CEMIP: variants seen among roughly 807,000 people sequenced by gnomAD.
CEMIP encodes cell migration inducing hyaluronidase 1.
Under a neutral mutation model 156.9 loss-of-function variants are expected in CEMIP, and 105 were observed. The ratio of observed to expected loss-of-function variants is 0.67; its 90% confidence interval spans 0.57 to 0.79. The LOEUF (loss-of-function observed/expected upper bound fraction) is 0.79. Ranked by LOEUF, CEMIP falls within the 30% of genes least tolerant of loss-of-function variation. The pLI, the probability that CEMIP is intolerant of heterozygous loss-of-function variation, is 0.00. For missense variants in CEMIP, 1,457 were observed against 1,769.4 expected (o/e 0.82, Z 3.17); for synonymous variants, 676 against 668.4 (o/e 1.01, Z -0.17).
At chr15:80,862,575 G>A (rs1409558286) in intron 1 of CEMIP, among the ~76,000 whole-genome samples, 4 of 152,190 alleles carry the variant, frequency 2.6e-5, no homozygotes, top group African/African-American at 9.7e-5. Flanking sequence ...AACTGAGCAT[G>A]GACTCTCCCT....
chr15:80,837,498 G>T (rs1168883888), intron 1 of CEMIP, among the ~76,000 whole-genome samples: 2 of 152,158 alleles, frequency 1.3e-5, no homozygotes, highest in African/African-American at 4.8e-5. Flanking sequence ...GAGGTCACTG[G>T]AGCTTAGGAA....
chr15:80,906,761 A>T lies in CEMIP; in HGVS notation c.1510A>T (p.Met504Leu). The T allele has an allele frequency of 6.2e-7, 1 of 1,614,078 alleles. No individual in the cohort carries two copies. Among genetic ancestry groups the T allele is most frequent in the Non-Finnish European group, 8.5e-7 (1 of 1,180,008 alleles). Residue 504 changes from methionine (M) to leucine (L), a missense_variant, in exon 13 of 30, where the codon ATG becomes TTG. Around this residue, in one of 5 missense-constraint regions of CEMIP, gnomAD observed 280 missense variants for 300.3 expected, o/e 0.93. Coordinates refer to ENST00000394685, the MANE Select transcript of CEMIP (RefSeq NM_001293298.2). The surrounding 1 kb of genome is among the most constrained non-coding windows in gnomAD (Gnocchi z 4.3). ...CCGGAACATCATAGTGATGGGGGAGATGGAGGACAAATGCTACCCCTACAG... is the reference window on the plus strand; with the variant it reads ...CCGGAACATCATAGTGATGGGGGAGTTGGAGGACAAATGCTACCCCTACAG... Reference protein sequence around the residue: ...LSRNIIVMGEMEDKCYPYRNH... With the variant: ...LSRNIIVMGELEDKCYPYRNH...
chr15:80,786,315 C>G (rs1472864866), intron 1 of CEMIP, among the ~76,000 whole-genome samples: 1 of 152,172 alleles, frequency 6.6e-6, no homozygotes, highest in Admixed American at 6.5e-5. Context: ...CAGTTCCCTG[C>G]AGCCCCAACC....
chr15:80,782,102 C>CA (rs1277627571), intron 1 of CEMIP, among the ~76,000 whole-genome samples: 1 of 152,224 alleles, frequency 6.6e-6, no homozygotes, highest in East Asian at 1.9e-4. Flanking sequence ...CCCCTACCTA[C>CA]ACTACTTGGA....
intron 28 of CEMIP, among the ~76,000 whole-genome samples, chr15:80,944,297 A>T (rs1901455887): frequency 6.6e-6 from 1 of 152,116 alleles, no homozygotes; most frequent in Non-Finnish European, 1.5e-5. Flanking sequence ...TAAAAAATAA[A>T]AGTTCTACCT....
chr15:80,793,386 T>C lies in CEMIP; in HGVS notation c.-176+13772T>C, dbSNP rs147213613. Among the ~76,000 whole-genome samples, 10 of 152,348 alleles carry C rather than the reference T, an allele frequency of 6.6e-5. No individual in the cohort carries two copies. The East Asian group carries it at 1.3e-3, about 21-fold the overall frequency. The stretch of plus-strand genomic sequence containing the variant: ...ACTACACACATTATCAACACGAGGT[T>C]AAGTCTTCTGTGGTGGGTGTTTTTC... On this transcript the variant is annotated intron_variant, in intron 1 of 29. Coordinates refer to ENST00000394685, the MANE Select transcript of CEMIP (RefSeq NM_001293298.2).
intron 1 of CEMIP, among the ~76,000 whole-genome samples, chr15:80,837,439 G>A (rs78011074): frequency 2.4e-4 from 36 of 152,264 alleles, no homozygotes; most frequent in African/African-American, 8.7e-4. Context: ...ATGGCAACCT[G>A]GTACAGAACA....
At chr15:80,792,855 C>A (rs890134356) in intron 1 of CEMIP, among the ~76,000 whole-genome samples, 1 of 152,260 alleles carries the variant, frequency 6.6e-6, no homozygotes, top group South Asian at 2.1e-4. Flanking sequence ...AGGAACTAGT[C>A]CATCTCAGTC....
At chr15:80,948,344 AG>A (rs1256164917) in intron 29 of CEMIP, 1 of 278,898 alleles carries the variant, frequency 3.6e-6, no homozygotes, top group African/African-American at 2.2e-5. Context: ...TTCACCTCTC[AG>A]AACTCTTTCT....
intron 7 of CEMIP, among the ~76,000 whole-genome samples, chr15:80,886,220 G>A (rs1898832015): frequency 6.6e-6 from 1 of 151,850 alleles, no homozygotes; most frequent in South Asian, 2.1e-4. Context: ...CAGCTTCGGA[G>A]GCCCAGGGGC....
intron 1 of CEMIP, among the ~76,000 whole-genome samples, chr15:80,862,343 G>A (rs1211040885): frequency 6.6e-6 from 1 of 152,206 alleles, no homozygotes; most frequent in Non-Finnish European, 1.5e-5. Flanking sequence ...TTCAGGAAAG[G>A]ACAATGAGGC....
At chr15:80,907,668 T>C (rs1317915989) in intron 13 of CEMIP, among the ~76,000 whole-genome samples, 1 of 152,248 alleles carries the variant, frequency 6.6e-6, no homozygotes, top group Non-Finnish European at 1.5e-5. Context: ...TGCAGGGTTC[T>C]TACCGCACAA....
chr15:80,839,308 G>GTA (rs1897336382), intron 1 of CEMIP, among the ~76,000 whole-genome samples: 1 of 151,362 alleles, frequency 6.6e-6, no homozygotes, highest in Non-Finnish European at 1.5e-5. Context: ...GTGTGTGTGT[G>GTA]TGTGTGTGTG....
In CEMIP at chr15:80,937,927, G is replaced by A. The variant is rs1368956237; in HGVS notation, c.3355G>A (p.Val1119Met). The A allele has an allele frequency of 1.2e-6, 2 of 1,614,230 alleles. No individual in the cohort carries two copies. Among genetic ancestry groups the A allele is most frequent in the East Asian group, 2.2e-5 (1 of 44,888 alleles). ...VFVRTLQMDK[V>M]EQSYPGRSHY... is the part of the protein sequence containing the mutation. ...CGTGAGGACCTTGCAGATGGACAAA[G>A]TGGAGCAGAGCTACCCTGGCAGGAG... Residue 1119 changes from valine (V) to methionine (M), a missense_variant, in exon 25 of 30, where the codon GTG (valine) becomes ATG (methionine). Transcript: ENST00000394685.
rs1897314933 is a variant in CEMIP, at chr15:80,838,480, C to T, written c.-175-35058C>T. ...CAGCAGGCCTGGGTCCTGCATCATTCCCTTGGTTCAAGGCTGAGTGCAATG... is the reference window on the plus strand; with the variant it reads ...CAGCAGGCCTGGGTCCTGCATCATTTCCTTGGTTCAAGGCTGAGTGCAATG... On this transcript the variant is annotated intron_variant, in intron 1 of 29. Transcript: ENST00000394685. 2.0e-5 allele frequency among the ~76,000 whole-genome samples: 3 copies of T among 152,102 alleles called. No individual in the cohort carries two copies. The South Asian group carries it at 6.2e-4, about 32-fold the overall frequency.
In CEMIP at chr15:80,929,191, GT is replaced by G; in HGVS notation, c.2612+18del. 1 of 1,614,218 alleles carries G rather than the reference GT, an allele frequency of 6.2e-7. No individual in the cohort carries two copies. Among genetic ancestry groups the G allele is most frequent in the Non-Finnish European group, 8.5e-7 (1 of 1,180,026 alleles). On this transcript the variant is annotated intron_variant, in intron 21 of 29. Transcript: ENST00000394685. ...TATAGGCCAGTAGGTTTGCAACCAT[GT>G]AGCTCCTTATTCTGAGTGGCTTAAC...
chr15:80,794,225 A>G (rs1896157632), intron 1 of CEMIP, among the ~76,000 whole-genome samples: 1 of 152,244 alleles, frequency 6.6e-6, no homozygotes, highest in Non-Finnish European at 1.5e-5. Flanking sequence ...TCTCCCTCAC[A>G]CAAAATAACA....
At chr15:80,923,887 G>C (rs564300490) in intron 17 of CEMIP, among the ~76,000 whole-genome samples, 11 of 152,172 alleles carry the variant, frequency 7.2e-5, no homozygotes, top group Non-Finnish European at 1.2e-4. Context: ...AGAGCTGCGA[G>C]TCAACCCCAC....
intron 17 of CEMIP, among the ~76,000 whole-genome samples, chr15:80,922,394 C>T (rs1396855330): frequency 1.3e-5 from 2 of 152,246 alleles, no homozygotes; most frequent in Middle Eastern, 3.2e-3. Flanking sequence ...CAAGTTGTGC[C>T]TTCACTCATG....
Sources: gnomAD v4.1 joint callset for allele counts (sites outside exome capture counted in the v4.1 genomes callset) on GRCh38, gnomAD v4.1.1 for gene constraint, gnomAD v4.1.1 regional missense constraint, Gnocchi (gnomAD v3.1) non-coding constraint, MANE v1.5 for transcripts, NCBI Gene and HGNC (gene_info 2026-07-23, HGNC 2026-07-21) for gene names.